Variants in CALN1 observed in about 807,000 individuals in gnomAD.
The protein encoded by CALN1 is calcium-binding protein 8.
Under a neutral mutation model 30.6 loss-of-function variants are expected in CALN1, and 17 were observed. The observed-to-expected ratio is 0.56, with a 90% CI of 0.38 to 0.83. The LOEUF (loss-of-function observed/expected upper bound fraction) is 0.83. CALN1 is among the 40% of genes least tolerant of loss of function. The pLI, the probability that CALN1 is intolerant of heterozygous loss-of-function variation, is 0.00. For missense variants in CALN1, 291 were observed against 354.9 expected (o/e 0.82, Z 1.45); for synonymous variants, 156 against 131.4 (o/e 1.19, Z -1.28).
At chr7:72,118,309 T>C (rs1291994891) in intron 3 of CALN1, among the ~76,000 whole-genome samples, 1 of 152,196 alleles carries the variant, frequency 6.6e-6, no homozygotes, top group East Asian at 1.9e-4. Flanking sequence ...ACATCTTTAA[T>C]GGAAAAATTA....
Position 72,143,188 on chromosome 7 carries a change from G to A in CALN1, c.245-36894C>T, listed in dbSNP as rs1384100108. Among the ~76,000 whole-genome samples, 11 of 152,266 alleles carry A rather than the reference G, an allele frequency of 7.2e-5. No individual in the cohort carries two copies. The East Asian group carries it at 2.1e-3, about 29-fold the overall frequency. ...GATCAAACTTCTCCGAGCTAAAGGA[G>A]GAAGTTTGAACCCAACGCAAAGAAG... On this transcript the variant is annotated intron_variant, in intron 3 of 6. Coordinates refer to ENST00000395275, the MANE Select transcript of CALN1 (RefSeq NM_031468.4).
At chr7:72,366,436 A>G (rs2129560074) in intron 2 of CALN1, among the ~76,000 whole-genome samples, 1 of 152,286 alleles carries the variant, frequency 6.6e-6, no homozygotes, top group South Asian at 2.1e-4. Context: ...TCGGCCTCCC[A>G]AAGTGCTGGC....
intron 3 of CALN1, among the ~76,000 whole-genome samples, chr7:72,226,532 T>TC (rs1793690607): frequency 6.6e-6 from 1 of 152,178 alleles, no homozygotes; most frequent in Admixed American, 6.5e-5. Context: ...TAGGACTTCC[T>TC]CTAAGACATA....
chr7:72,319,724 C>T (rs1800738405), intron 2 of CALN1, among the ~76,000 whole-genome samples: 1 of 152,052 alleles, frequency 6.6e-6, no homozygotes, highest in African/African-American at 2.4e-5. Context: ...TTTAAAAGAA[C>T]AGAGGTAAAT....
intron 5 of CALN1, among the ~76,000 whole-genome samples, chr7:71,816,751 C>T (rs568952952): frequency 1.3e-5 from 2 of 152,156 alleles, no homozygotes; most frequent in South Asian, 4.2e-4. Flanking sequence ...AGTTCGATCA[C>T]GAGGTCAGGA....
intron 4 of CALN1, among the ~76,000 whole-genome samples, chr7:72,057,223 AAGCTTG>A (rs942608607): frequency 6.6e-6 from 1 of 152,176 alleles, no homozygotes; most frequent in Admixed American, 6.5e-5. Context: ...CTGGAATTAC[AAGCTTG>A]AGCCATGAAG....
intron 1 of CALN1, among the ~76,000 whole-genome samples, chr7:72,445,602 A>G (rs1808503515): frequency 6.6e-6 from 1 of 152,188 alleles, no homozygotes; most frequent in South Asian, 2.1e-4. Flanking sequence ...GCATGGGGAT[A>G]ATAATTCATT....
At position 71,994,511 on chromosome 7, in the gene CALN1, C is replaced by CAAAAAAAAAAAAAAA. The variant is rs367725464; in HGVS notation, c.501+29131_501+29145dup. Reference sequence around the variant, plus strand: ...TGGGCGACAGAGCAAGACTTCATCTCAAAAAAAAAAAAAAAAAAAAAACAG... The same window carrying CAAAAAAAAAAAAAAA: ...TGGGCGACAGAGCAAGACTTCATCTCAAAAAAAAAAAAAAAAAAAAAAAAAAAAAAAAAAAAACAG... On this transcript the variant is annotated intron_variant, in intron 5 of 6. Coordinates refer to ENST00000395275, the MANE Select transcript of CALN1 (RefSeq NM_031468.4). Among the ~76,000 whole-genome samples, 33 of 44,018 alleles carry CAAAAAAAAAAAAAAA rather than the reference C, an allele frequency of 7.5e-4. 1 individual carries two copies. The highest frequency in any genetic ancestry group is 2.7e-3 in the African/African-American group (32 of 11,734). The allele number at this position is 44,018 out of a possible 152,430, so 28.9% of individuals were successfully genotyped here.
rs925467495 is a variant in CALN1 at position 71,946,371 on chromosome 7, T to C, written c.501+77286A>G. Among the ~76,000 whole-genome samples, 49 of 148,050 alleles carry C rather than the reference T, an allele frequency of 3.3e-4. No homozygotes were observed. The Middle Eastern group carries it at 0.01, about 31-fold the overall frequency. On this transcript the variant is annotated intron_variant, in intron 5 of 6. Coordinates refer to ENST00000395275, the MANE Select transcript of CALN1 (RefSeq NM_031468.4). ...GCGGGTTCCATTTCTTTCTTTCTTTTTTTTTTTTTTTTTTGAGACAGGGTC... is the reference window on the plus strand; with the variant it reads ...GCGGGTTCCATTTCTTTCTTTCTTTCTTTTTTTTTTTTTTGAGACAGGGTC...
chr7:71,956,452 TA>T (rs1273559827), intron 5 of CALN1, among the ~76,000 whole-genome samples: 1 of 151,684 alleles, frequency 6.6e-6, no homozygotes, highest in East Asian at 1.9e-4. Flanking sequence ...CAATTTAAAG[TA>T]TTTTTTTTAA....
intron 5 of CALN1, among the ~76,000 whole-genome samples, chr7:71,903,547 T>A (rs893535335): frequency 6.6e-6 from 1 of 152,102 alleles, no homozygotes; most frequent in African/African-American, 2.4e-5. Flanking sequence ...TATACAAAAA[T>A]CAACTCAAAA....
In CALN1 at chr7:72,353,133, T is replaced by G. The variant is rs1412531405; in HGVS notation, c.119+50118A>C. Among the ~76,000 whole-genome samples, 3 of 152,212 alleles carry G rather than the reference T, an allele frequency of 2.0e-5. No homozygotes were observed. In the East Asian group the frequency reaches 5.8e-4, roughly 29 times the overall value. ...CCCTCAAAACATAAACAAATTCCTC[T>G]GTGCCCAGATGGTTTCTCTGGTGAA... On this transcript the variant is annotated intron_variant, in intron 2 of 6. Coordinates refer to ENST00000395275, the MANE Select transcript of CALN1 (RefSeq NM_031468.4).
At chr7:72,484,447 T>C in the CALN1 span, among the ~76,000 whole-genome samples, 2 of 152,222 alleles carry the variant, frequency 1.3e-5, no homozygotes, top group African/African-American at 2.4e-5. Flanking sequence ...CTATTCTGGC[T>C]GGTGGGAACA....
At chr7:72,121,460 T>C (rs1425131757) in intron 3 of CALN1, among the ~76,000 whole-genome samples, 1 of 147,140 alleles carries the variant, frequency 6.8e-6, no homozygotes, top group South Asian at 2.1e-4. Context: ...AGTATAGATA[T>C]ATATAATATA....
chr7:72,030,809 C>T (rs972147557), intron 4 of CALN1, among the ~76,000 whole-genome samples: 2 of 151,652 alleles, frequency 1.3e-5, no homozygotes, highest in South Asian at 2.1e-4. Context: ...TGCAGTGGTG[C>T]CATCATAGCT....
At chr7:72,452,757 C>A in the CALN1 span, among the ~76,000 whole-genome samples, 1 of 152,086 alleles carries the variant, frequency 6.6e-6, no homozygotes, top group East Asian at 1.9e-4. Context: ...ATCCAGGAGG[C>A]CTAATATCTG....
intron 2 of CALN1, among the ~76,000 whole-genome samples, chr7:72,330,744 G>A (rs1187305187): frequency 2.0e-5 from 3 of 152,160 alleles, no homozygotes; most frequent in Admixed American, 6.5e-5. Flanking sequence ...TACTTAAATA[G>A]GTCTTATTCA....
intron 5 of CALN1, among the ~76,000 whole-genome samples, chr7:71,975,868 G>C (rs904315836): frequency 1.3e-5 from 2 of 150,352 alleles, no homozygotes; most frequent in Non-Finnish European, 3.0e-5. Flanking sequence ...ACCAGTTTCA[G>C]TACAAAACAC....
chr7:72,277,171 T>C (rs962775618), intron 3 of CALN1, among the ~76,000 whole-genome samples: 6 of 151,136 alleles, frequency 4.0e-5, no homozygotes, highest in East Asian at 1.9e-4. Context: ...TCTGCTGGCA[T>C]CTTTATCTTA....
Sources: allele counts gnomAD v4.1 joint callset (sites outside exome capture counted in the v4.1 genomes callset), GRCh38; gene constraint gnomAD v4.1.1; transcripts MANE v1.5; gene names NCBI Gene and HGNC (gene_info 2026-07-23, HGNC 2026-07-21).